LRP1B: variants seen among roughly 807,000 people sequenced by gnomAD.
LRP1B encodes LDL receptor related protein 1B, also known as low-density lipoprotein receptor-related protein 1B.
LRP1B carries 217 observed loss-of-function variants against 556.6 expected under a neutral mutation model. That is an observed-to-expected ratio of 0.39 (90% CI 0.35 to 0.44). LRP1B has a LOEUF of 0.44. Ranked by LOEUF, LRP1B falls within the 20% of genes least tolerant of loss-of-function variation. The pLI is 1.00. For missense variants in LRP1B, 5,053 were observed against 5,620.8 expected (o/e 0.90, Z 3.23); for synonymous variants, 2,047 against 1,865.8 (o/e 1.10, Z -2.50).
intron 23 of LRP1B, among the ~76,000 whole-genome samples, chr2:140,893,083 G>A (rs566849132): frequency 1.3e-5 from 2 of 152,194 alleles, no homozygotes; most frequent in African/African-American, 2.4e-5. Flanking sequence ...AAAATAAAAA[G>A]CCTTACCTAG....
intron 2 of LRP1B, among the ~76,000 whole-genome samples, chr2:141,610,346 A>T (rs962957201): frequency 2.3e-4 from 34 of 149,232 alleles, no homozygotes; most frequent in African/African-American, 7.7e-4. Flanking sequence ...ATAATAATAA[A>T]AAGAAACCCT....
intron 6 of LRP1B, among the ~76,000 whole-genome samples, chr2:141,189,514 G>A (rs539951740): frequency 6.6e-6 from 1 of 152,042 alleles, no homozygotes. Context: ...AAACCTACTT[G>A]TAACTGCTGC....
intron 41 of LRP1B, among the ~76,000 whole-genome samples, chr2:140,656,319 G>A (rs999254871): frequency 1.3e-5 from 2 of 152,126 alleles, no homozygotes; most frequent in African/African-American, 4.8e-5. Context: ...TAACAAAATG[G>A]TGATTGCACA....
chr2:142,072,652 C>T (rs772611864), intron 1 of LRP1B, among the ~76,000 whole-genome samples: 2 of 151,790 alleles, frequency 1.3e-5, no homozygotes, highest in Non-Finnish European at 2.9e-5. Context: ...GTATGTGGCC[C>T]AAGACAATTC....
At chr2:140,994,566 A>C (rs959382840) in intron 15 of LRP1B, among the ~76,000 whole-genome samples, 4 of 151,994 alleles carry the variant, frequency 2.6e-5, no homozygotes, top group African/African-American at 7.2e-5. Context: ...TATAGTTACA[A>C]TATTGTGTTA....
chr2:140,601,202 C>G (rs1682657911), intron 42 of LRP1B, among the ~76,000 whole-genome samples: 1 of 151,032 alleles, frequency 6.6e-6, no homozygotes, highest in African/African-American at 2.4e-5. Flanking sequence ...GGTATTGTCT[C>G]TAGTTTGCCT....
intron 1 of LRP1B, among the ~76,000 whole-genome samples, chr2:142,016,023 G>A (rs1361234653): frequency 1.6e-5 from 2 of 124,870 alleles, no homozygotes; most frequent in South Asian, 2.9e-4. Context: ...GTGGGTGAAG[G>A]AGATGAACAG....
At chr2:140,397,563 C>A (rs993943450) in intron 66 of LRP1B, among the ~76,000 whole-genome samples, 11 of 152,196 alleles carry the variant, frequency 7.2e-5, no homozygotes, top group Non-Finnish European at 1.3e-4. Context: ...AGCTCCATGG[C>A]GTGTTTCTGA....
intron 2 of LRP1B, among the ~76,000 whole-genome samples, chr2:141,575,765 AC>A (rs1686718260): frequency 2.6e-5 from 4 of 151,966 alleles, no homozygotes; most frequent in South Asian, 2.1e-4. Flanking sequence ...AAAAAAAAAA[AC>A]AACTCCGTCA....
Position 140,973,702 on chromosome 2 carries a change from T to TA in LRP1B, c.2887+8457dup, listed in dbSNP as rs200973091. ...GTAAAAAGCCCAGTATGATCTGTTG[T>TA]AAAAAATACCAAATTTCTACCACAT... On this transcript the variant is annotated intron_variant, in intron 18 of 90. Coordinates refer to ENST00000389484, the MANE Select transcript of LRP1B (RefSeq NM_018557.3). Among the ~76,000 whole-genome samples the TA allele has an allele frequency of 9.8e-3, 1,484 of 152,188 alleles. 12 individuals are homozygous for TA. Among genetic ancestry groups the TA allele is most frequent in the Non-Finnish European group, 0.017 (1,146 of 67,968 alleles).
In LRP1B at chr2:141,762,038, A is replaced by G. The variant is rs532661627; in HGVS notation, c.205+48241T>C. On this transcript the variant is annotated intron_variant, in intron 2 of 90. Transcript: ENST00000389484. ...TCACAGCAATCTTTTCTTCATGTCT[A>G]AAATGCTTTAATCAAGGTGTTTTCT... Among the ~76,000 whole-genome samples the G allele has an allele frequency of 9.9e-4, 150 of 152,234 alleles. 1 individual carries two copies. In the Middle Eastern group the frequency reaches 0.017, roughly 17 times the overall value.
chr2:141,935,834 A>T (rs1016258008), intron 1 of LRP1B, among the ~76,000 whole-genome samples: 2 of 152,234 alleles, frequency 1.3e-5, no homozygotes, highest in African/African-American at 4.8e-5. Flanking sequence ...ACTATTTGAA[A>T]GACAGCTATC....
intron 1 of LRP1B, among the ~76,000 whole-genome samples, chr2:141,956,552 T>G (rs1701259423): frequency 1.3e-5 from 2 of 152,116 alleles, no homozygotes; most frequent in Non-Finnish European, 2.9e-5. Context: ...TGTAATAAAA[T>G]GCTACCTTTT....
chr2:140,953,899 T>C (rs1434933602), intron 18 of LRP1B, among the ~76,000 whole-genome samples: 1 of 152,156 alleles, frequency 6.6e-6, no homozygotes, highest in Non-Finnish European at 1.5e-5. Flanking sequence ...TGTACTACAC[T>C]CTATTACCAA....
chr2:141,993,514 T>C (rs1347063663), intron 1 of LRP1B, among the ~76,000 whole-genome samples: 1 of 152,136 alleles, frequency 6.6e-6, no homozygotes, highest in Non-Finnish European at 1.5e-5. Context: ...ATCTGGGAAA[T>C]GCCTTTTCCA....
At chr2:141,235,707 G>A (rs16845651) in intron 5 of LRP1B, among the ~76,000 whole-genome samples, 16,613 of 152,020 alleles carry the variant, frequency 0.11, 1,012 homozygotes, top group East Asian at 0.16. Flanking sequence ...AATGTTTTCC[G>A]AGCATATTTT....
At chr2:140,398,625 C>T (rs1684359577) in intron 66 of LRP1B, among the ~76,000 whole-genome samples, 1 of 152,126 alleles carries the variant, frequency 6.6e-6, no homozygotes, top group African/African-American at 2.4e-5. Context: ...CTCCTAGACT[C>T]AGGCAATCTT....
At chr2:140,276,377 G>A (rs1461797482) in intron 84 of LRP1B, among the ~76,000 whole-genome samples, 1 of 151,910 alleles carries the variant, frequency 6.6e-6, no homozygotes, top group Admixed American at 6.6e-5. Flanking sequence ...ATTAATACGG[G>A]TTTTGGCTAT....
chr2:141,120,085 A>T (rs1701008078), intron 7 of LRP1B, among the ~76,000 whole-genome samples: 1 of 151,942 alleles, frequency 6.6e-6, no homozygotes, highest in Non-Finnish European at 1.5e-5. Flanking sequence ...ACAACTCTTC[A>T]TTGAGTGACA....
Sources: allele counts gnomAD v4.1 joint callset (sites outside exome capture counted in the v4.1 genomes callset), GRCh38; gene constraint gnomAD v4.1.1; transcripts MANE v1.5; gene names NCBI Gene and HGNC (gene_info 2026-07-23, HGNC 2026-07-21).